ITPR2: variants seen among roughly 807,000 people sequenced by gnomAD.
ITPR2 encodes inositol 1,4,5-trisphosphate receptor type 2.
ITPR2 carries 207 observed loss-of-function variants against 317.1 expected under a neutral mutation model. That is an observed-to-expected ratio of 0.65 (90% confidence interval 0.58 to 0.73). ITPR2 has a LOEUF of 0.73. Ranked by LOEUF, ITPR2 falls within the 30% of genes least tolerant of loss-of-function variation. The pLI is 0.00. For synonymous variants in ITPR2, 1,156 were observed against 1,149.1 expected (o/e 1.01, Z -0.12); for missense variants, 2,613 against 3,284.0 (o/e 0.80, Z 4.99).
intron 36 of ITPR2, among the ~76,000 whole-genome samples, chr12:26,555,474 A>G (rs1346818322): frequency 1.3e-5 from 2 of 152,118 alleles, no homozygotes; most frequent in South Asian, 2.1e-4. Flanking sequence ...ATCCCCCTCA[A>G]TAACGTGCCC....
rs1401277815 is a variant in ITPR2, at chr12:26,565,843, A to ACAGGAGAGGAGAGGAGAGGGGAGGG, written c.4631-3892_4631-3891insCCCTCCCCTCTCCTCTCCTCTCCTG. On this transcript the variant is annotated intron_variant, in intron 34 of 56. Transcript: ENST00000381340. Reference sequence around the variant, plus strand: ...AAAAGAAGAGAGGAGAGGAGAGTAGAGAGGAGAGGAGAGGAGAGGGGAGGG... The same window carrying ACAGGAGAGGAGAGGAGAGGGGAGGG: ...AAAAGAAGAGAGGAGAGGAGAGTAGACAGGAGAGGAGAGGAGAGGGGAGGGGAGGAGAGGAGAGGAGAGGGGAGGG... Among the ~76,000 whole-genome samples, 18 of 78,460 alleles carry ACAGGAGAGGAGAGGAGAGGGGAGGG rather than the reference A, an allele frequency of 2.3e-4. No individual in the cohort carries two copies. The East Asian group carries it at 5.0e-3, about 22-fold the overall frequency. 51.5% of individuals were successfully genotyped at this position (78,460 alleles called of 152,430 possible). A position where few individuals can be genotyped will look rare whatever the true frequency, so the allele number is the denominator to read the frequency against.
chr12:26,725,755 GA>G lies in ITPR2; in HGVS notation c.173del (p.Phe58SerfsTer6). Reference protein sequence around the residue: ...NPPKKFRDCLFKVCPMNRYSA... With the variant: ...NPPKKFRDCLXKVCPMNRYSA... ...AATATCTGTTCATAGGGCACACCTT[GA>G]AAAGGCAGTCTGTGACAAACCAACA... On this transcript the variant is annotated frameshift_variant, in exon 3 of 57. Coordinates refer to ENST00000381340, the MANE Select transcript of ITPR2 (RefSeq NM_002223.4). LOFTEE classifies it high-confidence loss of function. The G allele has an allele frequency of 6.2e-7, 1 of 1,610,924 alleles. No homozygotes were observed. Among genetic ancestry groups the G allele is most frequent in the South Asian group, 1.1e-5 (1 of 90,956 alleles).
chr12:26,340,176 G>C lies in ITPR2; in HGVS notation c.8010C>G (p.Leu2670=). The change falls in exon 56 of 57, where the codon CTC becomes CTG. Residue 2670 remains leucine (L), a synonymous_variant. Coordinates refer to ENST00000381340, the MANE Select transcript of ITPR2 (RefSeq NM_002223.4). The part of the protein sequence containing the change: ...VKQLSGQLAE[L]KEQMTEQRKN... ...CCCTGAATGCACCCACCTGCTCCTT[G>C]AGCTCCGCCAGCTGACCCGACAGCT... 1 of 1,603,712 alleles carries C rather than the reference G, an allele frequency of 6.2e-7. No homozygotes were observed. The highest frequency in any genetic ancestry group is 8.5e-7 in the Non-Finnish European group (1 of 1,175,388).
intron 13 of ITPR2, among the ~76,000 whole-genome samples, chr12:26,675,233 A>C (rs1375724380): frequency 6.6e-6 from 1 of 152,172 alleles, no homozygotes; most frequent in African/African-American, 2.4e-5. Flanking sequence ...TGCTGTTATA[A>C]AGACACATGC....
chr12:26,627,805 G>A (rs1233921996), intron 23 of ITPR2, among the ~76,000 whole-genome samples: 1 of 152,014 alleles, frequency 6.6e-6, no homozygotes, highest in Non-Finnish European at 1.5e-5. Flanking sequence ...ACAGCATTAG[G>A]AGAAATACCA....
chr12:26,755,718 C>T (rs556092987), intron 2 of ITPR2, among the ~76,000 whole-genome samples: 20 of 152,228 alleles, frequency 1.3e-4, no homozygotes, highest in Admixed American at 2.0e-4. Context: ...TTGAAGAAAC[C>T]GGTTATTTTA....
In ITPR2 at chr12:26,689,500, A is replaced by AG. The variant is rs1415175874; in HGVS notation, c.997-2869dup. 3.9e-5 allele frequency among the ~76,000 whole-genome samples: 6 copies of AG among 152,080 alleles called. No individual in the cohort carries two copies. In the East Asian group the frequency reaches 1.2e-3, roughly 29 times the overall value. On this transcript the variant is annotated intron_variant, in intron 10 of 56. Coordinates refer to ENST00000381340, the MANE Select transcript of ITPR2 (RefSeq NM_002223.4). ...GAAAGGGAAGGAAGGGAGGGAGGGAAGGATGGAGGGAAGGGCAAACTCAAA... is the reference window on the plus strand; with the variant it reads ...GAAAGGGAAGGAAGGGAGGGAGGGAAGGGATGGAGGGAAGGGCAAACTCAAA...
intron 32 of ITPR2, among the ~76,000 whole-genome samples, chr12:26,587,185 T>A (rs560649147): frequency 6.0e-4 from 91 of 150,752 alleles, no homozygotes; most frequent in African/African-American, 2.0e-3. Context: ...TTACTGAGTA[T>A]CTATTATGTG....
intron 24 of ITPR2, among the ~76,000 whole-genome samples, chr12:26,623,805 T>C (rs1240901505): frequency 6.6e-6 from 1 of 152,244 alleles, no homozygotes; most frequent in Non-Finnish European, 1.5e-5. Flanking sequence ...AACGGCAGGA[T>C]TCCTGATGGC....
In ITPR2 at chr12:26,679,178, C is replaced by T. The variant is rs138435275; in HGVS notation, c.1409+2696G>A. Among the ~76,000 whole-genome samples, 870 of 152,170 alleles carry T rather than the reference C, an allele frequency of 5.7e-3. 6 individuals carry two copies. The highest frequency in any genetic ancestry group is 0.02 in the African/African-American group (834 of 41,500). On this transcript the variant is annotated intron_variant, in intron 13 of 56. Coordinates refer to ENST00000381340, the MANE Select transcript of ITPR2 (RefSeq NM_002223.4). ...TCTGCTTCCGGCCTTTATTCATTTC[C>T]CCTAACAGGGTTGGAGGTGCGACTG...
At chr12:26,584,972 A>G (rs891399984) in intron 32 of ITPR2, among the ~76,000 whole-genome samples, 4 of 152,268 alleles carry the variant, frequency 2.6e-5, no homozygotes, top group Admixed American at 6.5e-5. Flanking sequence ...TTTGCTTTCT[A>G]TATCTCCTTT....
intron 55 of ITPR2, among the ~76,000 whole-genome samples, chr12:26,386,407 G>A (rs11048491): frequency 0.11 from 16,992 of 152,126 alleles, 1,543 homozygotes; most frequent in East Asian, 0.4. Flanking sequence ...GCTCTTTTGT[G>A]ACATGTAAAT....
chr12:26,681,859 A>C lies in ITPR2; in HGVS notation c.1409+15T>G, dbSNP rs11048647. 0.073 allele frequency: 110,914 copies of C among 1,528,444 alleles called. 4,424 individuals carry two copies. Among genetic ancestry groups the C allele is most frequent in the African/African-American group, 0.15 (9,207 of 60,442 alleles). The allele number at this position is 1,528,444 out of a possible 1,614,324, so 94.7% of individuals were successfully genotyped here. A position where few individuals can be genotyped will look rare whatever the true frequency, so the allele number is the denominator to read the frequency against. ...AACTGACTCGTGATTATTTAAGACCAATTTAAAGAGTTACCTCCTTTCATT... is the reference window on the plus strand; with the variant it reads ...AACTGACTCGTGATTATTTAAGACCCATTTAAAGAGTTACCTCCTTTCATT... On this transcript the variant is annotated intron_variant, in intron 13 of 56. Transcript: ENST00000381340.
At chr12:26,624,223 A>C in intron 24 of ITPR2, 76 bp downstream of exon 24, 1 of 984,676 alleles carries the variant, frequency 1.0e-6, no homozygotes, top group South Asian at 1.4e-5. Context: ...TAGAGTGAAC[A>C]ATATCAAAGT....
intron 2 of ITPR2, among the ~76,000 whole-genome samples, chr12:26,729,767 G>A (rs879833509): frequency 2.0e-5 from 3 of 151,942 alleles, no homozygotes; most frequent in Non-Finnish European, 2.9e-5. Context: ...GAGAACACAT[G>A]GACACATAGA....
intron 26 of ITPR2, among the ~76,000 whole-genome samples, chr12:26,603,816 C>T (rs1466164502): frequency 6.6e-6 from 1 of 152,156 alleles, no homozygotes; most frequent in African/African-American, 2.4e-5. Flanking sequence ...AGAACAAGCA[C>T]ACTAGTTATA....
chr12:26,628,179 G>T lies in ITPR2; in HGVS notation c.2935-17C>A. On this transcript the variant is annotated splice_polypyrimidine_tract_variant and intron_variant, in intron 22 of 56. Transcript: ENST00000381340. ...CAGGATAAACTATAAGAAACATTAAGAACAACATAAATTTCTTTCATTAGC... is the reference window on the plus strand; with the variant it reads ...CAGGATAAACTATAAGAAACATTAATAACAACATAAATTTCTTTCATTAGC... The T allele has an allele frequency of 6.4e-7, 1 of 1,571,338 alleles. No homozygotes were observed. Among genetic ancestry groups the T allele is most frequent in the Non-Finnish European group, 8.6e-7 (1 of 1,156,460 alleles).
At chr12:26,458,416 C>T (rs929934426) in intron 45 of ITPR2, among the ~76,000 whole-genome samples, 2 of 152,248 alleles carry the variant, frequency 1.3e-5, no homozygotes, top group Non-Finnish European at 2.9e-5. Flanking sequence ...ACACTCAGAT[C>T]GGAACAATCA....
At chr12:26,516,275 G>GGAAGGGAAGGGAAAGGAAA (rs1565574550) in intron 37 of ITPR2, among the ~76,000 whole-genome samples, 1 of 37,806 alleles carries the variant, frequency 2.6e-5, no homozygotes, top group African/African-American at 9.9e-5. Context: ...AGGAAAGGAA[G>GGAAGGGAAGGGAAAGGAAA]GGAAGGGAAG....
Sources: allele counts gnomAD v4.1 joint callset (sites outside exome capture counted in the v4.1 genomes callset), GRCh38; gene constraint gnomAD v4.1.1; transcripts MANE v1.5; gene names NCBI Gene and HGNC (gene_info 2026-07-23, HGNC 2026-07-21).